The following RAPH1 variants were observed in gnomAD, a reference collection of about 807,000 sequenced individuals.
The protein encoded by RAPH1 is Ras association (RalGDS/AF-6) and pleckstrin homology domains 1.
A neutral mutation model predicts 88.1 loss-of-function variants in RAPH1; 18 were observed. The ratio of observed to expected loss-of-function variants is 0.20; its 90% confidence interval spans 0.14 to 0.30. The LOEUF is 0.30. RAPH1 is among the 10% of genes least tolerant of loss of function. The probability of loss-of-function intolerance (pLI) is 1.00; values close to 1 mark genes in which losing one functional copy is unlikely to be tolerated. For synonymous variants in RAPH1, 587 were observed against 559.0 expected, an observed-to-expected ratio of 1.05 and a Z score of -0.71; for missense variants, 1,448 against 1,543.2, an observed-to-expected ratio of 0.94 and a Z score of 1.03.
At chr2:203,508,724 GAA>G (rs902922223) in intron 1 of RAPH1, among the ~76,000 whole-genome samples, 14 of 151,816 alleles carry the variant, frequency 9.2e-5, no homozygotes, top group Admixed American at 5.2e-4. Context: ...GAGATAAAAA[GAA>G]AAAAGTCTTT....
chr2:203,494,922 T>A (rs1048764893), intron 2 of RAPH1, among the ~76,000 whole-genome samples: 1 of 152,110 alleles, frequency 6.6e-6, no homozygotes. Context: ...TTTCTAAAAT[T>A]TAGACTTTTG....
chr2:203,456,880 G>C (rs888759669), intron 8 of RAPH1, among the ~76,000 whole-genome samples: 5 of 152,042 alleles, frequency 3.3e-5, no homozygotes, highest in African/African-American at 9.7e-5. Flanking sequence ...AATAATTTGT[G>C]AACAGCTAAT....
chr2:203,459,366 T>C (rs1447251727), intron 7 of RAPH1, among the ~76,000 whole-genome samples: 1 of 152,228 alleles, frequency 6.6e-6, no homozygotes, highest in African/African-American at 2.4e-5. Flanking sequence ...TACTGAATTT[T>C]GTAAAATGTC....
At chr2:203,480,892 G>A (rs1263291117) in intron 4 of RAPH1, among the ~76,000 whole-genome samples, 4 of 152,112 alleles carry the variant, frequency 2.6e-5, no homozygotes, top group Admixed American at 1.3e-4. Flanking sequence ...AGGTGATTCT[G>A]GGCCTATCAT....
intron 4 of RAPH1, among the ~76,000 whole-genome samples, chr2:203,470,819 AT>A (rs1226538816): frequency 6.6e-6 from 1 of 152,234 alleles, no homozygotes; most frequent in Non-Finnish European, 1.5e-5. Context: ...AAGACGAAAA[AT>A]ATCCATCAAT....
chr2:203,460,976 C>T (rs895225186), intron 6 of RAPH1, among the ~76,000 whole-genome samples: 10 of 151,770 alleles, frequency 6.6e-5, no homozygotes, highest in African/African-American at 1.7e-4. Flanking sequence ...ATTAGCCAGG[C>T]GTGGTGGTGC....
chr2:203,490,484 T>C (rs1024142297), intron 3 of RAPH1, among the ~76,000 whole-genome samples: 9 of 152,116 alleles, frequency 5.9e-5, no homozygotes, highest in African/African-American at 1.7e-4. Context: ...GTCTAAAAAA[T>C]TACAGACTGA....
In RAPH1 at chr2:203,439,227, A is replaced by G; in HGVS notation, c.*210T>C. ...GAATAACTCTCAGCTCTCTCTCTAT[A>G]TACACATACACATACATATATGTAT... On this transcript the variant is annotated 3_prime_UTR_variant, in exon 14 of 14. Coordinates refer to ENST00000319170, the MANE Select transcript of RAPH1 (RefSeq NM_213589.3). 1.9e-6 allele frequency: 1 copy of G among 528,506 alleles called. No individual in the cohort carries two copies. Among genetic ancestry groups the G allele is most frequent in the Non-Finnish European group, 3.4e-6 (1 of 297,184 alleles). The allele number at this position is 528,506 out of a possible 1,614,324, so 32.7% of individuals were successfully genotyped here. A position where few individuals can be genotyped will look rare whatever the true frequency, so the allele number is the denominator to read the frequency against.
chr2:203,523,169 G>A (rs879809093), intron 1 of RAPH1, among the ~76,000 whole-genome samples: 6 of 152,038 alleles, frequency 3.9e-5, no homozygotes, highest in Non-Finnish European at 5.9e-5. Context: ...CGAGGCGGGC[G>A]GATCATGGGG....
chr2:203,502,001 C>G (rs1333653211), intron 1 of RAPH1, among the ~76,000 whole-genome samples: 2 of 152,122 alleles, frequency 1.3e-5, no homozygotes, highest in African/African-American at 4.8e-5. Flanking sequence ...AACAAATTCT[C>G]TAGCAACAAA....
chr2:203,454,341 T>C (rs555517991), intron 10 of RAPH1, 89 bp downstream of exon 10: 2 of 836,410 alleles, frequency 2.4e-6, no homozygotes, highest in Admixed American at 2.6e-5. Context: ...AACAGTATAA[T>C]TGATGGAATC....
intron 3 of RAPH1, 143 bp from the exon 4 acceptor site, chr2:203,490,232 T>A: frequency 1.2e-6 from 1 of 829,408 alleles, no homozygotes; most frequent in Non-Finnish European, 1.8e-6. Flanking sequence ...TTGTTTTAAA[T>A]TCCAAGATAA....
intron 4 of RAPH1, among the ~76,000 whole-genome samples, chr2:203,464,123 G>A (rs1329792744): frequency 5.9e-5 from 9 of 152,240 alleles, no homozygotes; most frequent in Admixed American, 2.6e-4. Flanking sequence ...CTCATTTGCC[G>A]CATCCTTATA....
intron 4 of RAPH1, among the ~76,000 whole-genome samples, chr2:203,472,367 G>C (rs1452924718): frequency 1.3e-5 from 2 of 152,098 alleles, no homozygotes; most frequent in South Asian, 2.1e-4. Flanking sequence ...CCTGACCTAA[G>C]GTGATCCGCC....
intron 1 of RAPH1, among the ~76,000 whole-genome samples, chr2:203,513,212 G>C (rs1004219084): frequency 2.0e-5 from 3 of 151,488 alleles, no homozygotes; most frequent in South Asian, 2.1e-4. Context: ...AGAAAAATGG[G>C]GGGGGGAATA....
At chr2:203,506,758 CTATATATATATCTA>C (rs1689035031) in intron 1 of RAPH1, among the ~76,000 whole-genome samples, 1 of 104,152 alleles carries the variant, frequency 9.6e-6, no homozygotes, top group African/African-American at 5.3e-5. Flanking sequence ...ATATATATAT[CTATATATATATCTA>C]TATATATCTA....
At chr2:203,517,052 G>T (rs953975148) in intron 1 of RAPH1, among the ~76,000 whole-genome samples, 6 of 129,562 alleles carry the variant, frequency 4.6e-5, no homozygotes, top group Admixed American at 8.1e-5. Flanking sequence ...AAAAAATAAA[G>T]AAAGAAAGAA....
intron 1 of RAPH1, among the ~76,000 whole-genome samples, chr2:203,497,986 A>G (rs145374157): frequency 7.9e-4 from 121 of 152,318 alleles, no homozygotes; most frequent in African/African-American, 2.7e-3. Flanking sequence ...AACACTCAGG[A>G]GCAGTAATAG....
intron 4 of RAPH1, among the ~76,000 whole-genome samples, chr2:203,489,115 C>T (rs1688124549): frequency 7.2e-6 from 1 of 139,860 alleles, no homozygotes. Context: ...ATGAGTTGTA[C>T]AAGAGTACAA....
Sources: allele counts gnomAD v4.1 joint callset (sites outside exome capture counted in the v4.1 genomes callset), GRCh38; gene constraint gnomAD v4.1.1; transcripts MANE v1.5; gene names NCBI Gene and HGNC (gene_info 2026-07-23, HGNC 2026-07-21).